The following LRP1B variants were observed in gnomAD, a reference collection of about 807,000 sequenced individuals.
The protein encoded by LRP1B is LDL receptor related protein 1B, also known as low-density lipoprotein receptor-related protein 1B.
Under a neutral mutation model 556.6 loss-of-function variants are expected in LRP1B, and 217 were observed. That is an observed-to-expected ratio of 0.39 (90% CI 0.35 to 0.44). LRP1B has a LOEUF of 0.44. Ranked by LOEUF, LRP1B falls within the 20% of genes least tolerant of loss-of-function variation. The probability of loss-of-function intolerance (pLI) is 1.00; values close to 1 mark genes in which losing one functional copy is unlikely to be tolerated. For synonymous variants in LRP1B, 2,047 were observed against 1,865.8 expected, an observed-to-expected ratio of 1.10 and a Z score of -2.50; for missense variants, 5,053 against 5,620.8, an observed-to-expected ratio of 0.90 and a Z score of 3.23.
intron 66 of LRP1B, among the ~76,000 whole-genome samples, chr2:140,426,846 CA>C (rs2105275522): frequency 6.6e-6 from 1 of 152,250 alleles, no homozygotes; most frequent in African/African-American, 2.4e-5. Flanking sequence ...TTTGGGAGAT[CA>C]ATCCCCTGTC....
intron 31 of LRP1B, among the ~76,000 whole-genome samples, chr2:140,819,590 G>A (rs1691250204): frequency 6.6e-6 from 1 of 151,954 alleles, no homozygotes; most frequent in Non-Finnish European, 1.5e-5. Flanking sequence ...GAAGAACAGA[G>A]AAGAAATATT....
intron 43 of LRP1B, among the ~76,000 whole-genome samples, chr2:140,568,563 T>C (rs1003756499): frequency 7.2e-5 from 11 of 152,102 alleles, no homozygotes; most frequent in African/African-American, 2.7e-4. Flanking sequence ...AGAAAACCTA[T>C]TTAATTAAAT....
intron 47 of LRP1B, among the ~76,000 whole-genome samples, chr2:140,532,947 T>TATATATATATATATATACACAC: frequency 2.4e-5 from 3 of 124,282 alleles, no homozygotes; most frequent in South Asian, 2.7e-4. Flanking sequence ...TATATATATA[T>TATATATATATATATATACACAC]ACACATATAT....
At chr2:141,645,929 C>T (rs1159645104) in intron 2 of LRP1B, among the ~76,000 whole-genome samples, 1 of 152,072 alleles carries the variant, frequency 6.6e-6, no homozygotes, top group Non-Finnish European at 1.5e-5. Context: ...GAATTTCAGT[C>T]TAAGAAAATT....
chr2:141,547,401 C>A (rs1386066924), intron 2 of LRP1B, among the ~76,000 whole-genome samples: 5 of 151,814 alleles, frequency 3.3e-5, no homozygotes, highest in African/African-American at 9.7e-5. Context: ...ACACTGCAAG[C>A]AGAGGTAGTC....
chr2:141,040,626 T>C lies in LRP1B; in HGVS notation c.1789+8360A>G, dbSNP rs571356152. Among the ~76,000 whole-genome samples the C allele has an allele frequency of 3.8e-4, 58 of 152,160 alleles. 1 individual carries two copies. Among genetic ancestry groups the C allele is most frequent in the African/African-American group, 1.2e-3 (50 of 41,534 alleles). ...TTAAGCTGGTGATTGTGTGTGTGTG[T>C]GCGCACATGTGTATGTGTGTGTCTG... On this transcript the variant is annotated intron_variant, in intron 11 of 90. Coordinates refer to ENST00000389484, the MANE Select transcript of LRP1B (RefSeq NM_018557.3).
chr2:140,252,076 A>AAAAAAAAAAAAAAAAAAAAAAAAAAAAAC (rs1681453795), intron 86 of LRP1B, among the ~76,000 whole-genome samples: 1 of 133,782 alleles, frequency 7.5e-6, no homozygotes, highest in Non-Finnish European at 1.6e-5. Flanking sequence ...AAAAAAAAAA[A>AAAAAAAAAAAAAAAAAAAAAAAAAAAAAC]AAAAAAAAAA....
chr2:141,145,629 G>T (rs1701762938), intron 7 of LRP1B, among the ~76,000 whole-genome samples: 1 of 151,528 alleles, frequency 6.6e-6, no homozygotes, highest in Non-Finnish European at 1.5e-5. Flanking sequence ...TGCCTCCCGG[G>T]TTCAAGTGAT....
chr2:140,961,861 G>C (rs777016309), intron 18 of LRP1B, among the ~76,000 whole-genome samples: 1 of 152,046 alleles, frequency 6.6e-6, no homozygotes, highest in Non-Finnish European at 1.5e-5. Flanking sequence ...CCAAGAAATG[G>C]CACTTAAACA....
intron 84 of LRP1B, among the ~76,000 whole-genome samples, chr2:140,281,459 C>T (rs1228952463): frequency 6.6e-6 from 1 of 151,390 alleles, no homozygotes; most frequent in Non-Finnish European, 1.5e-5. Flanking sequence ...ATGAAGATAC[C>T]ATATAAGGAT....
At chr2:140,964,536 G>A (rs1018583281) in intron 18 of LRP1B, among the ~76,000 whole-genome samples, 1 of 151,660 alleles carries the variant, frequency 6.6e-6, no homozygotes, top group Non-Finnish European at 1.5e-5. Context: ...CTAGACCAAG[G>A]AGCCCTCTGG....
chr2:141,482,549 A>G (rs4327189), intron 2 of LRP1B, among the ~76,000 whole-genome samples: 77,433 of 151,714 alleles, frequency 0.51, 19,947 homozygotes, highest in Non-Finnish European at 0.54. Context: ...AAATATACAA[A>G]TTTGAATACA....
chr2:142,096,295 T>A (rs1574679829), intron 1 of LRP1B, among the ~76,000 whole-genome samples: 1 of 151,696 alleles, frequency 6.6e-6, no homozygotes, highest in South Asian at 2.1e-4. Context: ...GATAACAATC[T>A]CTTCATTTTT....
intron 74 of LRP1B, among the ~76,000 whole-genome samples, chr2:140,357,558 A>G (rs1299948369): frequency 6.6e-6 from 1 of 151,756 alleles, no homozygotes; most frequent in East Asian, 1.9e-4. Flanking sequence ...CTAAAAAAAA[A>G]AATCACATCT....
At chr2:141,109,421 AC>A (rs57720526) in intron 7 of LRP1B, among the ~76,000 whole-genome samples, 3,658 of 152,284 alleles carry the variant, frequency 0.024, 56 homozygotes, top group South Asian at 0.065. Context: ...CTTTTAAAAA[AC>A]ATCTAAGAAA....
chr2:141,041,699 T>C (rs1398124570), intron 11 of LRP1B, among the ~76,000 whole-genome samples: 1 of 152,122 alleles, frequency 6.6e-6, no homozygotes, highest in Non-Finnish European at 1.5e-5. Flanking sequence ...AACACTAATT[T>C]GGTGTACGTT....
intron 2 of LRP1B, among the ~76,000 whole-genome samples, chr2:141,585,823 C>T (rs1442444232): frequency 6.6e-6 from 1 of 151,752 alleles, no homozygotes; most frequent in Non-Finnish European, 1.5e-5. Flanking sequence ...TCATAGCTCA[C>T]TGCAGCTTAG....
chr2:140,922,894 G>A (rs1694781094), intron 21 of LRP1B, 71 bp downstream of exon 21: 1 of 1,337,064 alleles, frequency 7.5e-7, no homozygotes, highest in Non-Finnish European at 1.0e-6. Context: ...GTGAGATACA[G>A]ATTCAGCCTG....
At chr2:140,811,427 C>T (rs1690920760) in intron 32 of LRP1B, among the ~76,000 whole-genome samples, 1 of 152,142 alleles carries the variant, frequency 6.6e-6, no homozygotes, top group African/African-American at 2.4e-5. Context: ...TTCATAAAGC[C>T]TTAAATATTT....
Sources: allele counts gnomAD v4.1 joint callset (sites outside exome capture counted in the v4.1 genomes callset), GRCh38; gene constraint gnomAD v4.1.1; transcripts MANE v1.5; gene names NCBI Gene and HGNC (gene_info 2026-07-23, HGNC 2026-07-21).